The following TNKS variants were observed in gnomAD, a reference collection of about 807,000 sequenced individuals.
The protein encoded by TNKS is tankyrase.
A neutral mutation model predicts 135.8 loss-of-function variants in TNKS; 72 were observed. That is an observed-to-expected ratio of 0.53 (90% confidence interval 0.44 to 0.64). The LOEUF is 0.64. Ranked by LOEUF, TNKS falls within the 30% of genes least tolerant of loss-of-function variation. TNKS has a pLI of 0.00. For missense variants in TNKS, 1,769 were observed against 1,674.0 expected (o/e 1.06, Z -0.99); for synonymous variants, 849 against 649.3 (o/e 1.31, Z -4.68).
intron 5 of TNKS, among the ~76,000 whole-genome samples, chr8:9,697,575 A>G (rs1010895290): frequency 1.3e-5 from 2 of 152,190 alleles, no homozygotes; most frequent in Non-Finnish European, 2.9e-5. Context: ...TCCAGGATCT[A>G]TAAGGAACTT....
At chr8:9,658,607 C>G (rs1233721593) in intron 3 of TNKS, among the ~76,000 whole-genome samples, 1 of 152,188 alleles carries the variant, frequency 6.6e-6, no homozygotes, top group South Asian at 2.1e-4. Context: ...AAAGGAACAA[C>G]CGGTAACAGC....
At chr8:9,723,996 A>T (rs1236305984) in intron 12 of TNKS, among the ~76,000 whole-genome samples, 1 of 152,236 alleles carries the variant, frequency 6.6e-6, no homozygotes, top group Non-Finnish European at 1.5e-5. Flanking sequence ...CCAGTCCAGT[A>T]GTCTAATATT....
At chr8:9,622,132 A>G (rs920123577) in intron 3 of TNKS, among the ~76,000 whole-genome samples, 2 of 152,232 alleles carry the variant, frequency 1.3e-5, no homozygotes, top group African/African-American at 2.4e-5. Flanking sequence ...AAATATGAAG[A>G]CAATTTAGGA....
chr8:9,725,488 G>A (rs183062150), intron 12 of TNKS, among the ~76,000 whole-genome samples: 1 of 152,194 alleles, frequency 6.6e-6, no homozygotes, highest in Admixed American at 6.5e-5. Context: ...TTCTGTAAAA[G>A]CCACTCTCTC....
chr8:9,642,780 TA>T (rs1800772090), intron 3 of TNKS, among the ~76,000 whole-genome samples: 1 of 146,114 alleles, frequency 6.8e-6, no homozygotes, highest in African/African-American at 2.5e-5. Context: ...TAAATGTACA[TA>T]CTTCAGAATC....
chr8:9,590,774 A>T (rs949050386), intron 2 of TNKS, among the ~76,000 whole-genome samples: 7 of 152,192 alleles, frequency 4.6e-5, no homozygotes, highest in Admixed American at 4.6e-4. Context: ...TCTTTTCATT[A>T]TTGAGTTATG....
At chr8:9,715,363 G>A (rs373932156) in intron 11 of TNKS, among the ~76,000 whole-genome samples, 72 of 86,536 alleles carry the variant, frequency 8.3e-4, no homozygotes, top group African/African-American at 2.7e-3. Context: ...TAGCAGCAGG[G>A]GGGGCGGGTA....
chr8:9,591,788 G>A (rs890744945), intron 2 of TNKS, among the ~76,000 whole-genome samples: 5 of 152,220 alleles, frequency 3.3e-5, no homozygotes, highest in African/African-American at 1.2e-4. Context: ...AGTTAAAATA[G>A]CAAAGTATTT....
At chr8:9,685,950 A>G (rs1305665791) in intron 5 of TNKS, among the ~76,000 whole-genome samples, 2 of 152,176 alleles carry the variant, frequency 1.3e-5, no homozygotes, top group Non-Finnish European at 1.5e-5. Context: ...GTCTCTCAGT[A>G]TAACTTTTTT....
intron 2 of TNKS, among the ~76,000 whole-genome samples, chr8:9,591,936 G>T (rs969501107): frequency 2.0e-5 from 3 of 152,156 alleles, no homozygotes; most frequent in Non-Finnish European, 2.9e-5. Flanking sequence ...TCTGAGGGCT[G>T]CTGCTTCAAA....
chr8:9,676,178 AT>A, intron 3 of TNKS, among the ~76,000 whole-genome samples: 1 of 151,812 alleles, frequency 6.6e-6, no homozygotes, highest in Non-Finnish European at 1.5e-5. Context: ...TGCCTGGCTA[AT>A]TTTTTGTGTT....
At chr8:9,590,353 C>A (rs548425210) in intron 2 of TNKS, among the ~76,000 whole-genome samples, 12 of 152,316 alleles carry the variant, frequency 7.9e-5, no homozygotes, top group African/African-American at 2.9e-4. Flanking sequence ...GTTAATTCAT[C>A]TGAGTTGTGC....
chr8:9,773,672 A>G (rs1359469615), intron 26 of TNKS, among the ~76,000 whole-genome samples: 20 of 152,146 alleles, frequency 1.3e-4, no homozygotes, highest in Non-Finnish European at 5.9e-5. Flanking sequence ...ATTTAGTCAG[A>G]GTGTCTCATG....
chr8:9,670,785 A>G (rs187936496), intron 3 of TNKS: 102 of 152,328 alleles, frequency 6.7e-4, no homozygotes, highest in African/African-American at 2.1e-3. Flanking sequence ...AAGCCTTGCT[A>G]TGATGTAAGA....
At chr8:9,664,644 T>C (rs572759127) in intron 3 of TNKS, among the ~76,000 whole-genome samples, 1 of 152,244 alleles carries the variant, frequency 6.6e-6, no homozygotes, top group African/African-American at 2.4e-5. Context: ...TCACTCACAG[T>C]ACATATACAG....
intron 1 of TNKS, among the ~76,000 whole-genome samples, chr8:9,561,667 T>A (rs1797335446): frequency 6.6e-6 from 1 of 152,232 alleles, no homozygotes; most frequent in Non-Finnish European, 1.5e-5. Flanking sequence ...AACATTCTTA[T>A]AAAATCCTTT....
intron 15 of TNKS, among the ~76,000 whole-genome samples, chr8:9,734,375 T>C (rs529207570): frequency 6.6e-6 from 1 of 152,236 alleles, no homozygotes; most frequent in East Asian, 1.9e-4. Context: ...TCATGATAGA[T>C]GTTAAGACTT....
At chr8:9,699,777 C>T (rs1326927839) in intron 5 of TNKS, among the ~76,000 whole-genome samples, 1 of 152,180 alleles carries the variant, frequency 6.6e-6, no homozygotes, top group Non-Finnish European at 1.5e-5. Flanking sequence ...AGTTTGCTCT[C>T]TCTCTTCAGC....
At chr8:9,593,524 A>C (rs1798663687) in intron 2 of TNKS, among the ~76,000 whole-genome samples, 2 of 152,194 alleles carry the variant, frequency 1.3e-5, no homozygotes, top group Non-Finnish European at 2.9e-5. Context: ...CATATTTAGC[A>C]AACTTAAGGT....
Sources: gnomAD v4.1 joint callset for allele counts (sites outside exome capture counted in the v4.1 genomes callset) on GRCh38, gnomAD v4.1.1 for gene constraint, MANE v1.5 for transcripts, NCBI Gene and HGNC (gene_info 2026-07-23, HGNC 2026-07-21) for gene names.